The following GSTA5 variants were observed in gnomAD, a reference collection of about 807,000 sequenced individuals.
GSTA5 encodes glutathione S-transferase alpha 5.
GSTA5 carries 25 observed loss-of-function variants against 21.8 expected under a neutral mutation model. That is an observed-to-expected ratio of 1.14 (90% CI 0.83 to 1.60). GSTA5 has a LOEUF of 1.60. Among genes scored for constraint, GSTA5 ranks in the 40% most tolerant of loss-of-function variants. GSTA5 has a pLI of 0.00. For missense variants in GSTA5, 330 were observed against 259.2 expected (o/e 1.27, Z -1.88); for synonymous variants, 102 against 89.5 (o/e 1.14, Z -0.78).
At chr6:52,839,583 G>T (rs1202007082) in intron 1 of GSTA5, among the ~76,000 whole-genome samples, 3 of 152,154 alleles carry the variant, frequency 2.0e-5, no homozygotes, top group Middle Eastern at 3.2e-3. Context: ...CTGAAGGGGC[G>T]CGCTAGAAGT....
chr6:52,833,768 G>A (rs191731821), intron 4 of GSTA5, among the ~76,000 whole-genome samples: 111 of 152,292 alleles, frequency 7.3e-4, no homozygotes, highest in African/African-American at 2.5e-3. Context: ...AATATTTTCT[G>A]ATGGATCACT....
At chr6:52,841,484 G>A (rs1764376889), upstream of GSTA5, among the ~76,000 whole-genome samples, 1 of 152,228 alleles carries the variant, frequency 6.6e-6, no homozygotes, top group African/African-American at 2.4e-5. Flanking sequence ...ATCAAAACCA[G>A]AAATTAGGCT....
At chr6:52,841,712 A>T (rs185794216), upstream of GSTA5, among the ~76,000 whole-genome samples, 8 of 152,312 alleles carry the variant, frequency 5.3e-5, no homozygotes, top group East Asian at 1.5e-3. Flanking sequence ...AACTTCTCTC[A>T]TTTTGTCCTA....
chr6:52,838,673 A>T (rs1290019353), intron 1 of GSTA5, among the ~76,000 whole-genome samples: 1 of 152,196 alleles, frequency 6.6e-6, no homozygotes, highest in African/African-American at 2.4e-5. Flanking sequence ...AGTTGACTTA[A>T]ATAGGCAGAA....
chr6:52,831,700 T>TA, exon 6 of GSTA5: 1 of 931,678 alleles, frequency 1.1e-6, no homozygotes, highest in Non-Finnish European at 1.6e-6. Flanking sequence ...AGTTGACAGA[T>TA]AAGAGTTATT....
exon 6 of GSTA5, chr6:52,831,966 A>G (rs780974359): frequency 1.9e-6 from 3 of 1,612,554 alleles, no homozygotes; most frequent in African/African-American, 2.7e-5. Context: ...TCTGGTTTTC[A>G]GGGCCTGTAA....
intron 1 of GSTA5, among the ~76,000 whole-genome samples, chr6:52,838,052 A>G (rs1764317494): frequency 6.6e-6 from 1 of 152,226 alleles, no homozygotes; most frequent in Non-Finnish European, 1.5e-5. Flanking sequence ...CCTCTGCTAT[A>G]ATTTATATCA....
intron 1 of GSTA5, 118 bp from the exon 2 acceptor site, chr6:52,837,727 G>T (rs1407770539): frequency 2.8e-6 from 2 of 724,612 alleles, no homozygotes; most frequent in Admixed American, 2.5e-5. Context: ...AGTTTCGCAG[G>T]ATATACAGAG....
chr6:52,834,564 G>A (rs974318182), intron 3 of GSTA5, among the ~76,000 whole-genome samples: 4 of 152,080 alleles, frequency 2.6e-5, no homozygotes, highest in Admixed American at 6.6e-5. Context: ...AAAGAGCATC[G>A]GTGGTCACAG....
exon 1 of GSTA5, chr6:52,840,809 G>C: frequency 2.5e-6 from 4 of 1,613,680 alleles, no homozygotes; most frequent in Non-Finnish European, 3.4e-6. Flanking sequence ...GGGCTTCTCT[G>C]CCATGATAGC....
intron 3 of GSTA5, among the ~76,000 whole-genome samples, chr6:52,834,576 C>A (rs1471552967): frequency 1.3e-5 from 2 of 152,104 alleles, no homozygotes; most frequent in Non-Finnish European, 2.9e-5. Context: ...TGGTCACAGT[C>A]ATGAGAGAAA....
chr6:52,836,783 AT>A (rs1369028738), intron 2 of GSTA5, among the ~76,000 whole-genome samples: 1 of 152,198 alleles, frequency 6.6e-6, no homozygotes, highest in Non-Finnish European at 1.5e-5. Context: ...AAGAGCTGGG[AT>A]TACAGGTGTG....
At chr6:52,837,166 G>A (rs992643029) in intron 2 of GSTA5, among the ~76,000 whole-genome samples, 2 of 152,114 alleles carry the variant, frequency 1.3e-5, no homozygotes, top group African/African-American at 4.8e-5. Context: ...CCCCATGAAA[G>A]AAAAACCTCA....
chr6:52,840,782 T>C (rs1471461153), exon 1 of GSTA5: 5 of 1,614,124 alleles, frequency 3.1e-6, no homozygotes, highest in African/African-American at 1.3e-5. Flanking sequence ...GCCCCGTGCA[T>C]TGGAGTAGTG....
At chr6:52,840,610 T>C in intron 1 of GSTA5, 117 bp downstream of exon 1, 1 of 946,884 alleles carries the variant, frequency 1.1e-6, no homozygotes, top group East Asian at 2.5e-5. Flanking sequence ...TTAATTACAG[T>C]CCATTTTTAT....
At chr6:52,840,690 T>G (rs1446396154) in intron 1 of GSTA5, 37 bp downstream of exon 1, 1 of 1,581,768 alleles carries the variant, frequency 6.3e-7, no homozygotes, top group South Asian at 1.1e-5. Context: ...TAACGCAATT[T>G]TAAATCCAAC....
chr6:52,838,631 A>G (rs1764324984), intron 1 of GSTA5, among the ~76,000 whole-genome samples: 1 of 152,236 alleles, frequency 6.6e-6, no homozygotes, highest in South Asian at 2.1e-4. Flanking sequence ...TATTTAATAC[A>G]GATATGAAAT....
chr6:52,840,200 T>C (rs1367004063), intron 1 of GSTA5, among the ~76,000 whole-genome samples: 3 of 152,236 alleles, frequency 2.0e-5, no homozygotes, highest in Admixed American at 1.3e-4. Flanking sequence ...ATTCTCCTTA[T>C]ATTTCTCACC....
In GSTA5 at chr6:52,837,504, C is replaced by T. The variant is rs537513605; in HGVS notation, c.139+54G>A. On this transcript the variant is annotated intron_variant, in intron 2 of 5. Transcript: ENST00000370989. ...AGGTATTCCTGGCTGCTCAACGTTC[C>T]TCTGTACCTTCTACTAGAAACTCTC... is the stretch of plus-strand genomic sequence containing the variant. The T allele has an allele frequency of 6.7e-6, 8 of 1,194,878 alleles. No individual in the cohort carries two copies. The African/African-American group carries it at 7.5e-5, about 11-fold the overall frequency. The allele number at this position is 1,194,878 out of a possible 1,614,324, so 74.0% of individuals were successfully genotyped here.
Sources: gnomAD v4.1 joint callset for allele counts (sites outside exome capture counted in the v4.1 genomes callset) on GRCh38, gnomAD v4.1.1 for gene constraint, MANE v1.5 for transcripts, NCBI Gene and HGNC (gene_info 2026-07-23, HGNC 2026-07-21) for gene names.